Variants in TOX observed in about 807,000 individuals in gnomAD.
The protein encoded by TOX is thymocyte selection-associated high mobility group box protein TOX.
Under a neutral mutation model 53.7 loss-of-function variants are expected in TOX, and 11 were observed. The observed-to-expected ratio is 0.20, with a 90% CI of 0.13 to 0.34. The LOEUF is 0.34. TOX is among the 10% of genes least tolerant of loss of function. TOX has a pLI of 1.00. For synonymous variants in TOX, 225 were observed against 245.3 expected, an observed-to-expected ratio of 0.92 and a Z score of 0.77; for missense variants, 570 against 664.6, an observed-to-expected ratio of 0.86 and a Z score of 1.56.
chr8:58,841,273 G>A (rs1402578428), intron 4 of TOX, among the ~76,000 whole-genome samples: 1 of 152,170 alleles, frequency 6.6e-6, no homozygotes, highest in Non-Finnish European at 1.5e-5. Context: ...AATAATGTAT[G>A]TGGTTGTTAG....
intron 1 of TOX, chr8:58,991,959 G>A (rs1387659279): frequency 6.6e-6 from 1 of 152,306 alleles, no homozygotes; most frequent in African/African-American, 2.4e-5. Context: ...GGCCTCGGCA[G>A]GGCTGACGCG....
intron 1 of TOX, among the ~76,000 whole-genome samples, chr8:59,086,135 G>A (rs974056498): frequency 2.0e-5 from 3 of 151,812 alleles, no homozygotes; most frequent in Admixed American, 1.3e-4. Context: ...ACGGGTGTGC[G>A]CCACCATGTC....
At chr8:58,853,466 T>C (rs1238430545) in intron 3 of TOX, among the ~76,000 whole-genome samples, 1 of 152,098 alleles carries the variant, frequency 6.6e-6, no homozygotes. Flanking sequence ...AGTGCAAGCT[T>C]GTTGAATGTT....
At chr8:59,082,439 A>G (rs1804426621) in intron 1 of TOX, among the ~76,000 whole-genome samples, 1 of 152,240 alleles carries the variant, frequency 6.6e-6, no homozygotes, top group South Asian at 2.1e-4. Context: ...TTGCTTGCAA[A>G]CAGTATGACT....
At chr8:58,905,612 G>C (rs1443209948) in intron 3 of TOX, among the ~76,000 whole-genome samples, 1 of 152,122 alleles carries the variant, frequency 6.6e-6, no homozygotes, top group Non-Finnish European at 1.5e-5. Context: ...CCTCCCATAG[G>C]CTTTGCTGAA....
chr8:58,873,942 C>T (rs1048333727), intron 3 of TOX, among the ~76,000 whole-genome samples: 47 of 105,088 alleles, frequency 4.5e-4, no homozygotes, highest in African/African-American at 1.7e-3. Context: ...GAATACACAT[C>T]CTGAATGCCA....
At chr8:58,992,054 T>C (rs1362019116) in intron 1 of TOX, 1 of 152,258 alleles carries the variant, frequency 6.6e-6, no homozygotes, top group East Asian at 1.9e-4. Context: ...GAAAAGTCCC[T>C]GGGCAACCTC....
At chr8:58,883,773 GACAA>G (rs1255894818) in intron 3 of TOX, among the ~76,000 whole-genome samples, 2 of 151,766 alleles carry the variant, frequency 1.3e-5, no homozygotes, top group Non-Finnish European at 2.9e-5. Flanking sequence ...TTGTAATAAT[GACAA>G]ACAGTCCACA....
At chr8:58,862,163 C>T (rs1359323960) in intron 3 of TOX, among the ~76,000 whole-genome samples, 2 of 152,082 alleles carry the variant, frequency 1.3e-5, no homozygotes, top group Admixed American at 1.3e-4. Flanking sequence ...AAATCCTCTC[C>T]TTTTGAGCAT....
chr8:59,100,580 TG>T (rs1804789722), intron 1 of TOX, among the ~76,000 whole-genome samples: 1 of 152,218 alleles, frequency 6.6e-6, no homozygotes, highest in Admixed American at 6.6e-5. Context: ...TAAGAAAATA[TG>T]AGATTCACGG....
chr8:58,922,102 A>G (rs535897552), intron 3 of TOX, among the ~76,000 whole-genome samples: 10 of 152,318 alleles, frequency 6.6e-5, no homozygotes, highest in African/African-American at 2.4e-4. Context: ...TTCTTAGTTT[A>G]GGATCTTCCT....
intron 3 of TOX, among the ~76,000 whole-genome samples, chr8:58,868,785 TA>T (rs11348481): frequency 0.37 from 55,650 of 150,466 alleles, 10,409 homozygotes; most frequent in South Asian, 0.43. Context: ...AAGAGCAATT[TA>T]AGCCTAAACC....
chr8:59,081,127 A>G lies in TOX; in HGVS notation c.102+37759T>C, dbSNP rs544353661. 2.0e-5 allele frequency among the ~76,000 whole-genome samples: 3 copies of G among 152,218 alleles called. No individual in the cohort carries two copies. In the South Asian group the frequency reaches 6.2e-4, roughly 32 times the overall value. On this transcript the variant is annotated intron_variant, in intron 1 of 8. Transcript: ENST00000361421. ...CTGCAGTGTCTGCCTCCTGGGTTCA[A>G]GTGATTCTCCTGCCTCAGCCTCCTG... is the stretch of plus-strand genomic sequence containing the variant.
chr8:59,078,832 G>A (rs76816887), intron 1 of TOX, among the ~76,000 whole-genome samples: 2,535 of 152,302 alleles, frequency 0.017, 57 homozygotes, highest in African/African-American at 0.056. Flanking sequence ...CTTAAAGATT[G>A]ATTAAATGTT....
chr8:59,003,397 A>C (rs1254947606), intron 1 of TOX, among the ~76,000 whole-genome samples: 2 of 152,112 alleles, frequency 1.3e-5, no homozygotes, highest in Non-Finnish European at 2.9e-5. Context: ...CTCCATTCTC[A>C]CCTGATCCTG....
chr8:58,972,031 T>C (rs1361197355), intron 1 of TOX, among the ~76,000 whole-genome samples: 4 of 151,946 alleles, frequency 2.6e-5, no homozygotes, highest in Non-Finnish European at 5.9e-5. Flanking sequence ...CAGTTATACC[T>C]GAAATATGAA....
chr8:58,941,107 ATATG>A (rs1812430482), intron 2 of TOX, among the ~76,000 whole-genome samples: 1 of 152,248 alleles, frequency 6.6e-6, no homozygotes, highest in Non-Finnish European at 1.5e-5. Context: ...CCTGTTAACA[ATATG>A]TATCCCATGT....
intron 3 of TOX, among the ~76,000 whole-genome samples, chr8:58,885,645 T>C (rs1466246260): frequency 6.6e-6 from 1 of 152,166 alleles, no homozygotes; most frequent in Non-Finnish European, 1.5e-5. Flanking sequence ...TCTTGGCTAA[T>C]GTTTCTCTGT....
intron 3 of TOX, among the ~76,000 whole-genome samples, chr8:58,888,267 T>C (rs1160637404): frequency 1.3e-5 from 2 of 151,986 alleles, no homozygotes; most frequent in African/African-American, 2.4e-5. Context: ...TCCAACCAGA[T>C]AGAACATACA....
Sources: gnomAD v4.1 joint callset for allele counts (sites outside exome capture counted in the v4.1 genomes callset) on GRCh38, gnomAD v4.1.1 for gene constraint, MANE v1.5 for transcripts, NCBI Gene and HGNC (gene_info 2026-07-23, HGNC 2026-07-21) for gene names.